Variants in NUP160 observed in about 807,000 individuals in gnomAD.
NUP160 encodes the protein nucleoporin 160.
A neutral mutation model predicts 196.9 loss-of-function variants in NUP160; 94 were observed. That is an observed-to-expected ratio of 0.48 (90% CI 0.40 to 0.57). The LOEUF is 0.57. Among genes scored for constraint, NUP160 ranks in the 20% least tolerant of loss-of-function variants. NUP160 has a pLI of 0.00. For synonymous variants in NUP160, 605 were observed against 619.7 expected (o/e 0.98, Z 0.35); for missense variants, 1,638 against 1,748.3 (o/e 0.94, Z 1.13).
At chr11:47,796,185 G>A (rs373962088) in intron 27 of NUP160, 3 of 359,080 alleles carry the variant, frequency 8.4e-6, no homozygotes, top group African/African-American at 2.2e-5. Flanking sequence ...GAGCAGCTGC[G>A]GAAGCCCAGA....
At position 47,812,511 on chromosome 11, in the gene NUP160, A is replaced by C. The variant is rs2097681756; in HGVS notation, c.1953-82T>G. 15 of 1,316,594 alleles carry C rather than the reference A, an allele frequency of 1.1e-5. No individual in the cohort carries two copies. In the South Asian group the frequency reaches 1.9e-4, roughly 17 times the overall value. The allele number at this position is 1,316,594 out of a possible 1,614,324, so 81.6% of individuals were successfully genotyped here. ...ATATGTCCTATAAGCTAAATACATT[A>C]TGAAACAAGAGAACCAGATAAAGGA... On this transcript the variant is annotated intron_variant, in intron 15 of 35. Coordinates refer to ENST00000378460, the Ensembl canonical transcript of NUP160.
chr11:47,839,264 T>C (rs1367356082), intron 4 of NUP160, among the ~76,000 whole-genome samples: 2 of 152,142 alleles, frequency 1.3e-5, no homozygotes, highest in Non-Finnish European at 2.9e-5. Context: ...GCTAATTTTG[T>C]ATTTTTAGTA....
chr11:47,779,187 TG>T lies in NUP160; in HGVS notation c.4228del (p.Gln1410ArgfsTer59). On this transcript the variant is annotated frameshift_variant, in exon 36 of 36. Transcript: ENST00000378460. LOFTEE classifies it high-confidence loss of function. The stretch of plus-strand genomic sequence containing the variant: ...GTCCTCCAATTTGTCAAGTATTTTC[TG>T]GGACAGCTATAAGAGAAAAGAAGGA... The T allele has an allele frequency of 6.2e-7, 1 of 1,606,506 alleles. No individual in the cohort carries two copies. The highest frequency in any genetic ancestry group is 1.7e-4 in the Middle Eastern group (1 of 6,044).
intron 13 of NUP160, among the ~76,000 whole-genome samples, chr11:47,814,455 C>A (rs148460527): frequency 6.6e-6 from 1 of 151,126 alleles, no homozygotes; most frequent in East Asian, 2.0e-4. Context: ...GCAGGAGAAT[C>A]GCTTGAACTC....
intron 29 of NUP160, among the ~76,000 whole-genome samples, chr11:47,790,569 A>G (rs1056619153): frequency 1.3e-5 from 2 of 152,034 alleles, no homozygotes; most frequent in African/African-American, 4.8e-5. Flanking sequence ...CCTATACTGT[A>G]CTCTTAAAAG....
At chr11:47,837,751 G>T in intron 4 of NUP160, 128 bp from the exon 5 acceptor site, 2 of 658,820 alleles carry the variant, frequency 3.0e-6, no homozygotes, top group Non-Finnish European at 5.4e-6. Flanking sequence ...CAAAGGTTTA[G>T]GATGTAACTT....
At position 47,835,769 on chromosome 11, in the gene NUP160, A is replaced by T. The variant is rs1852161273; in HGVS notation, c.983T>A (p.Val328Asp). 6.2e-7 allele frequency: 1 copy of T among 1,602,026 alleles called. No individual in the cohort carries two copies. Among genetic ancestry groups the T allele is most frequent in the Admixed American group, 1.7e-5 (1 of 58,246 alleles). ...AAGCCGAAGGTCTTTCTTCACAGGG[A>T]CATACTCCAGCATGTCAGCTACCAT... The change falls in exon 7 of 36, where the codon GTC (valine) becomes GAC (aspartate). Residue 328 changes from valine (V) to aspartate (D), a missense_variant. This residue lies in a region of NUP160 where 1,345 missense variants were observed against 1,470.2 expected (regional missense o/e 0.91). Transcript: ENST00000378460.
At chr11:47,837,048 T>C in intron 5 of NUP160, 47 bp from the exon 6 acceptor site, 1 of 1,049,942 alleles carries the variant, frequency 9.5e-7, no homozygotes, top group Non-Finnish European at 1.5e-6. Context: ...GCAAAGAATC[T>C]GATCATTAGA....
At chr11:47,792,614 G>A (rs2097668501) in intron 28 of NUP160, 172 bp downstream of exon 28, 2 of 620,680 alleles carry the variant, frequency 3.2e-6, no homozygotes, top group Non-Finnish European at 5.4e-6. Flanking sequence ...AACTAAAGGG[G>A]TAGTAATATA....
chr11:47,835,278 T>C (rs566454563), intron 7 of NUP160, among the ~76,000 whole-genome samples: 1 of 152,300 alleles, frequency 6.6e-6, no homozygotes, highest in East Asian at 1.9e-4. Context: ...CATCACATCC[T>C]ACGTATCTCA....
At chr11:47,796,205 G>T in intron 27 of NUP160, 1 of 465,504 alleles carries the variant, frequency 2.1e-6, no homozygotes, top group East Asian at 3.4e-5. Context: ...ACACCAGGAA[G>T]GTGAGATCTT....
intron 35 of NUP160, 28 bp from the exon 36 acceptor site, chr11:47,779,222 C>T (rs1359857919): frequency 7.2e-7 from 1 of 1,391,412 alleles, no homozygotes; most frequent in Non-Finnish European, 1.0e-6. Flanking sequence ...GAAAACATTA[C>T]ATAACAGCTC....
exon 18 of NUP160, chr11:47,808,420 G>A (rs200961245): frequency 1.2e-6 from 2 of 1,613,198 alleles, no homozygotes; most frequent in African/African-American, 2.7e-5. Flanking sequence ...AACATCAGTT[G>A]CCAAGCACTC....
intron 18 of NUP160, 150 bp from the exon 19 acceptor site, chr11:47,807,290 T>C: frequency 3.3e-6 from 2 of 601,382 alleles, no homozygotes; most frequent in South Asian, 4.1e-5. Flanking sequence ...GAAATCATTA[T>C]AATATAGATT....
intron 7 of NUP160, among the ~76,000 whole-genome samples, chr11:47,831,314 T>C (rs943541947): frequency 9.2e-5 from 14 of 152,110 alleles, no homozygotes; most frequent in Admixed American, 4.6e-4. Flanking sequence ...GAGATAATAC[T>C]TCATACCCAC....
chr11:47,837,696 CA>C lies in NUP160; in HGVS notation c.749-74del. On this transcript the variant is annotated intron_variant, in intron 4 of 35. Transcript: ENST00000378460. Reference sequence around the variant, plus strand: ...AAGGCAAGAATGATGTAACCATGAACAAGGTCTTTATAATAGGCAACAGACT... The same window carrying C: ...AAGGCAAGAATGATGTAACCATGAACAGGTCTTTATAATAGGCAACAGACT... The C allele has an allele frequency of 2.6e-6, 3 of 1,164,392 alleles. No individual in the cohort carries two copies. The South Asian group carries it at 3.7e-5, about 14-fold the overall frequency. The allele number at this position is 1,164,392 out of a possible 1,614,324, so 72.1% of individuals were successfully genotyped here.
Position 47,839,866 on chromosome 11 carries a change from T to TTAAGAACAAAGATTCCCCCAGCC in NUP160, c.724_725insGGCTGGGGGAATCTTTGTTCTTA (p.Lys242ArgfsTer24). Reference sequence around the variant, plus strand: ...ACCAGGTATGTCATAAGGAGGTAGCTTAAGAACAAAGATTCCCCCAGAAGC... The same window carrying TTAAGAACAAAGATTCCCCCAGCC: ...ACCAGGTATGTCATAAGGAGGTAGCTTAAGAACAAAGATTCCCCCAGCCTAAGAACAAAGATTCCCCCAGAAGC... On this transcript the variant is annotated frameshift_variant, in exon 4 of 36. Transcript: ENST00000378460. LOFTEE classifies it high-confidence loss of function. The TTAAGAACAAAGATTCCCCCAGCC allele has an allele frequency of 6.2e-7, 1 of 1,614,006 alleles. No individual in the cohort carries two copies. Among genetic ancestry groups the TTAAGAACAAAGATTCCCCCAGCC allele is most frequent in the South Asian group, 1.1e-5 (1 of 91,076 alleles).
chr11:47,803,915 G>C (rs562019667), intron 21 of NUP160, among the ~76,000 whole-genome samples: 1 of 152,170 alleles, frequency 6.6e-6, no homozygotes, highest in Non-Finnish European at 1.5e-5. Flanking sequence ...GCCAGGCACG[G>C]TGGCTCATGC....
intron 4 of NUP160, 171 bp downstream of exon 4, chr11:47,839,672 C>A (rs983637711): frequency 1.6e-6 from 1 of 630,964 alleles, no homozygotes; most frequent in Non-Finnish European, 2.8e-6. Flanking sequence ...TTTATAGTTC[C>A]TTATCCACTG....
Sources: gnomAD v4.1 joint callset for allele counts (sites outside exome capture counted in the v4.1 genomes callset) on GRCh38, gnomAD v4.1.1 for gene constraint, gnomAD v4.1.1 regional missense constraint, MANE v1.5 for transcripts, NCBI Gene and HGNC (gene_info 2026-07-23, HGNC 2026-07-21) for gene names.